The following SLIT3 variants were observed in gnomAD, a reference collection of about 807,000 sequenced individuals.
SLIT3 encodes the protein slit guidance ligand 3.
A neutral mutation model predicts 184.0 loss-of-function variants in SLIT3; 68 were observed. The observed-to-expected ratio is 0.37, with a 90% confidence interval of 0.30 to 0.45. The LOEUF (loss-of-function observed/expected upper bound fraction) is 0.45, where lower values mean the gene tolerates loss of function less well. Ranked by LOEUF, SLIT3 falls within the 20% of genes least tolerant of loss-of-function variation. The pLI is 1.00. For missense variants in SLIT3, 1,707 were observed against 2,026.0 expected (o/e 0.84, Z 3.02); for synonymous variants, 831 against 828.6 (o/e 1.00, Z -0.05).
At position 168,722,946 on chromosome 5, in the gene SLIT3, G is replaced by A; in HGVS notation, c.2398C>T (p.His800Tyr). ...LTNYTFSNMS[H>Y]LSTLILSYNR... ...CAGTGTACTCACAGAGTGGAGAGGT[G>A]AGACATGTTACTGAAGGTGTAATTG... Residue 800 changes from histidine to tyrosine, a missense_variant, in exon 22 of 36, where the codon CAC (histidine) becomes TAC (tyrosine). Transcript: ENST00000519560. The A allele has an allele frequency of 1.2e-6, 2 of 1,613,246 alleles. No homozygotes were observed. Among genetic ancestry groups the A allele is most frequent in the South Asian group, 1.1e-5 (1 of 91,068 alleles).
intron 23 of SLIT3, among the ~76,000 whole-genome samples, chr5:168,716,675 G>T (rs1243595300): frequency 6.6e-6 from 1 of 152,194 alleles, no homozygotes; most frequent in East Asian, 1.9e-4. Flanking sequence ...AGAGCGGTCA[G>T]CGCCTGTCCC....
chr5:168,674,530 C>T (rs945243164), intron 32 of SLIT3, among the ~76,000 whole-genome samples: 23 of 134,022 alleles, frequency 1.7e-4, no homozygotes, highest in Admixed American at 2.8e-4. Context: ...CTCACTCTGT[C>T]GCCCAGGCTG....
chr5:169,163,398 A>C (rs767698744), intron 4 of SLIT3, among the ~76,000 whole-genome samples: 2 of 152,222 alleles, frequency 1.3e-5, no homozygotes, highest in Non-Finnish European at 2.9e-5. Flanking sequence ...GCAGACTCCA[A>C]TGCATGAAGC....
rs1042582436 is a variant in SLIT3, at chr5:169,198,568, C to T, written c.342-5018G>A. On this transcript the variant is annotated intron_variant, in intron 3 of 35. Coordinates refer to ENST00000519560, the MANE Select transcript of SLIT3 (RefSeq NM_003062.4). ...TCCATAATAAAGAATTTGGGTTTGG[C>T]TTTTTACAGATAGTAAGAGGGAGCC... 7.2e-5 allele frequency among the ~76,000 whole-genome samples: 11 copies of T among 152,116 alleles called. No individual in the cohort carries two copies. In the South Asian group the frequency reaches 2.3e-3, roughly 32 times the overall value.
intron 20 of SLIT3, among the ~76,000 whole-genome samples, chr5:168,744,066 G>T (rs555569277): frequency 2.8e-4 from 42 of 152,306 alleles, no homozygotes; most frequent in African/African-American, 9.4e-4. Context: ...GGGGCGGGTG[G>T]ATCATAAGGT....
intron 4 of SLIT3, among the ~76,000 whole-genome samples, chr5:168,980,385 A>G (rs1434465009): frequency 6.6e-6 from 1 of 152,160 alleles, no homozygotes; most frequent in African/African-American, 2.4e-5. Context: ...CTCAAAATGC[A>G]TGATTTTATC....
At chr5:169,080,583 C>T (rs915955621) in intron 4 of SLIT3, among the ~76,000 whole-genome samples, 1 of 152,112 alleles carries the variant, frequency 6.6e-6, no homozygotes, top group Non-Finnish European at 1.5e-5. Flanking sequence ...CTATAAAGCA[C>T]GTGGTAGATG....
chr5:169,064,693 C>T (rs1026482166), intron 4 of SLIT3, among the ~76,000 whole-genome samples: 4 of 152,160 alleles, frequency 2.6e-5, no homozygotes, highest in Admixed American at 2.0e-4. Flanking sequence ...AAGGTCAGTC[C>T]GGCTCTTCTC....
chr5:168,844,816 TCTC>T (rs1758399667), intron 5 of SLIT3, 161 bp from the exon 6 acceptor site: 2 of 617,472 alleles, frequency 3.2e-6, no homozygotes. Flanking sequence ...CTGCTCCGTC[TCTC>T]CTCTCTGACT....
chr5:168,696,487 G>A, intron 27 of SLIT3, 56 bp from the exon 28 acceptor site: 1 of 1,603,208 alleles, frequency 6.2e-7, no homozygotes, highest in South Asian at 1.1e-5. Context: ...AGAGAGGTGG[G>A]TTGGGATGGC....
At chr5:169,049,436 C>T (rs191553761) in intron 4 of SLIT3, among the ~76,000 whole-genome samples, 5 of 152,252 alleles carry the variant, frequency 3.3e-5, no homozygotes, top group African/African-American at 1.2e-4. Flanking sequence ...CTTTTGTTCT[C>T]TTAGGTTATG....
intron 9 of SLIT3, among the ~76,000 whole-genome samples, chr5:168,805,445 G>T (rs1459517720): frequency 2.0e-5 from 3 of 152,134 alleles, no homozygotes; most frequent in Non-Finnish European, 4.4e-5. Flanking sequence ...CTCAGTAGAA[G>T]GGCTCCATAT....
chr5:169,222,625 G>C (rs976329637), intron 3 of SLIT3, among the ~76,000 whole-genome samples: 1 of 152,182 alleles, frequency 6.6e-6, no homozygotes, highest in African/African-American at 2.4e-5. Context: ...TTTGGTTCAA[G>C]TAGAAGGGTC....
In SLIT3 at chr5:169,051,889, A is replaced by G. The variant is rs571895172; in HGVS notation, c.413+141590T>C. Among the ~76,000 whole-genome samples the G allele has an allele frequency of 2.4e-4, 36 of 152,314 alleles. 1 individual carries two copies. In the South Asian group the frequency reaches 4.6e-3, roughly 19 times the overall value. On this transcript the variant is annotated intron_variant, in intron 4 of 35. Coordinates refer to ENST00000519560, the MANE Select transcript of SLIT3 (RefSeq NM_003062.4). The stretch of plus-strand genomic sequence containing the variant: ...ACACTAGCACTGTCGGCTCTCATCC[A>G]TTTCAAGCTTGCACGCCTTGGTGTC...
intron 4 of SLIT3, among the ~76,000 whole-genome samples, chr5:168,975,932 C>T (rs1009082204): frequency 4.6e-5 from 7 of 152,150 alleles, no homozygotes; most frequent in South Asian, 2.1e-4. Flanking sequence ...TTAACTTCTA[C>T]GATCAACTCT....
At chr5:169,162,587 C>T (rs297815) in intron 4 of SLIT3, among the ~76,000 whole-genome samples, 46,292 of 152,056 alleles carry the variant, frequency 0.3, 7,203 homozygotes, top group Middle Eastern at 0.44. Context: ...CAAGCATGTG[C>T]GCAAAGTTAT....
chr5:169,159,805 C>T (rs113415016), intron 4 of SLIT3, among the ~76,000 whole-genome samples: 165 of 152,194 alleles, frequency 1.1e-3, no homozygotes, highest in African/African-American at 3.8e-3. Context: ...AAAGCATGAC[C>T]CAACTATACG....
At chr5:168,724,389 C>A in intron 21 of SLIT3, 27 bp downstream of exon 21, 1 of 1,595,866 alleles carries the variant, frequency 6.3e-7, no homozygotes, top group African/African-American at 1.3e-5. Context: ...GAAAAATAAA[C>A]ATCCCACCCA....
intron 4 of SLIT3, among the ~76,000 whole-genome samples, chr5:169,106,274 G>A (rs1048238410): frequency 1.3e-5 from 2 of 152,160 alleles, no homozygotes; most frequent in African/African-American, 2.4e-5. Context: ...TTTCAAACAG[G>A]TGTGTTTGAG....
Sources: gnomAD v4.1 joint callset for allele counts (sites outside exome capture counted in the v4.1 genomes callset) on GRCh38, gnomAD v4.1.1 for gene constraint, MANE v1.5 for transcripts, NCBI Gene and HGNC (gene_info 2026-07-23, HGNC 2026-07-21) for gene names.